EPC2: variants seen among roughly 807,000 people sequenced by gnomAD.
EPC2 encodes enhancer of polycomb 2, also known as enhancer of polycomb homolog 2.
A neutral mutation model predicts 92.1 loss-of-function variants in EPC2; 14 were observed. That is an observed-to-expected ratio of 0.15 (90% CI 0.10 to 0.24). The LOEUF is 0.24. EPC2 is among the 10% of genes least tolerant of loss of function. The pLI, the probability that EPC2 is intolerant of heterozygous loss-of-function variation, is 1.00. For missense variants in EPC2, 755 were observed against 971.5 expected (o/e 0.78, Z 2.96); for synonymous variants, 340 against 334.7 (o/e 1.02, Z -0.17).
intron 2 of EPC2, among the ~76,000 whole-genome samples, chr2:148,707,748 A>G (rs1421978130): frequency 6.6e-6 from 1 of 152,192 alleles, no homozygotes; most frequent in Admixed American, 6.5e-5. Context: ...CTGAATGACT[A>G]CTGGGTACAT....
intron 1 of EPC2, among the ~76,000 whole-genome samples, chr2:148,653,450 A>G (rs901710087): frequency 2.0e-5 from 3 of 152,236 alleles, no homozygotes; most frequent in Non-Finnish European, 4.4e-5. Flanking sequence ...TGCCTTGTCT[A>G]TACTATTTAA....
At chr2:148,700,504 G>A (rs1188188531) in intron 2 of EPC2, among the ~76,000 whole-genome samples, 1 of 82,330 alleles carries the variant, frequency 1.2e-5, no homozygotes, top group Non-Finnish European at 2.2e-5. Flanking sequence ...GCCCCGCATT[G>A]AATTGCCTTT....
chr2:148,683,158 CTGAGATTTT>C (rs1681442869), intron 1 of EPC2, among the ~76,000 whole-genome samples: 1 of 151,210 alleles, frequency 6.6e-6, no homozygotes, highest in Admixed American at 6.6e-5. Flanking sequence ...GTAGTGATTT[CTGAGATTTT>C]GGTGCACCCA....
intron 3 of EPC2, among the ~76,000 whole-genome samples, chr2:148,749,932 ACT>A (rs1325504842): frequency 1.3e-5 from 2 of 152,082 alleles, no homozygotes; most frequent in African/African-American, 4.8e-5. Flanking sequence ...ATTTGTTTTA[ACT>A]TTATATTATT....
chr2:148,732,173 G>C (rs1682645161), intron 2 of EPC2, among the ~76,000 whole-genome samples: 1 of 152,184 alleles, frequency 6.6e-6, no homozygotes, highest in Non-Finnish European at 1.5e-5. Context: ...AAGGGGCAAA[G>C]AGTTCTTTCA....
intron 2 of EPC2, among the ~76,000 whole-genome samples, chr2:148,741,998 C>T (rs927916993): frequency 9.2e-5 from 14 of 152,124 alleles, no homozygotes; most frequent in Admixed American, 2.0e-4. Flanking sequence ...ACTATTCCTC[C>T]CCTTAGCTTT....
At chr2:148,672,869 T>C (rs1429531730) in intron 1 of EPC2, among the ~76,000 whole-genome samples, 1 of 152,162 alleles carries the variant, frequency 6.6e-6, no homozygotes, top group Non-Finnish European at 1.5e-5. Context: ...GCAATTTTTA[T>C]AGGAAGGGTC....
intron 2 of EPC2, among the ~76,000 whole-genome samples, chr2:148,699,592 C>G (rs1490762231): frequency 6.6e-6 from 1 of 152,110 alleles, no homozygotes; most frequent in African/African-American, 2.4e-5. Flanking sequence ...TTCTTTTTAT[C>G]ATTGAATAAT....
At chr2:148,652,745 C>T (rs1680713791) in intron 1 of EPC2, among the ~76,000 whole-genome samples, 1 of 152,144 alleles carries the variant, frequency 6.6e-6, no homozygotes, top group Admixed American at 6.5e-5. Context: ...TGCTGAGATC[C>T]TGTCAATTTG....
intron 1 of EPC2, among the ~76,000 whole-genome samples, chr2:148,646,352 T>C (rs867182075): frequency 6.6e-6 from 1 of 152,222 alleles, no homozygotes; most frequent in Non-Finnish European, 1.5e-5. Flanking sequence ...TTTGCTCTTA[T>C]TTAATCACAT....
At chr2:148,738,567 A>G (rs893330820) in intron 2 of EPC2, among the ~76,000 whole-genome samples, 2 of 152,190 alleles carry the variant, frequency 1.3e-5, no homozygotes, top group African/African-American at 4.8e-5. Context: ...GTTGCATCCT[A>G]GTTGTGTAAA....
At chr2:148,685,656 G>C (rs928606071) in intron 1 of EPC2, among the ~76,000 whole-genome samples, 3 of 152,232 alleles carry the variant, frequency 2.0e-5, no homozygotes, top group African/African-American at 7.2e-5. Context: ...AGCTACTCAG[G>C]AGGCTAAGGC....
intron 1 of EPC2, among the ~76,000 whole-genome samples, chr2:148,662,700 G>T (rs1680963626): frequency 6.6e-6 from 1 of 152,060 alleles, no homozygotes. Context: ...ATAGCATTAG[G>T]AGATATACCT....
intron 6 of EPC2, 58 bp from the exon 7 acceptor site, chr2:148,764,897 T>C: frequency 7.9e-7 from 1 of 1,269,476 alleles, no homozygotes; most frequent in African/African-American, 1.5e-5. Context: ...TAGTTTTTCA[T>C]GATTTCTAAA....
At chr2:148,740,492 A>C (rs1682861307) in intron 2 of EPC2, among the ~76,000 whole-genome samples, 1 of 152,154 alleles carries the variant, frequency 6.6e-6, no homozygotes, top group South Asian at 2.1e-4. Flanking sequence ...CCTGGTTCTG[A>C]TTTAACACAT....
Position 148,786,535 on chromosome 2 carries a change from T to C in EPC2, c.*158T>C, listed in dbSNP as rs1683872142. ...AAATCCATATATGATGTATATTTTG[T>C]AAAATTGGGAAAATCACTACCTTGT... On this transcript the variant is annotated 3_prime_UTR_variant, in exon 14 of 14. Transcript: ENST00000258484. The C allele has an allele frequency of 2.1e-6, 1 of 485,590 alleles. No individual in the cohort carries two copies. Among genetic ancestry groups the C allele is most frequent in the African/African-American group, 2.0e-5 (1 of 50,230 alleles). The allele number at this position is 485,590 out of a possible 1,614,324, so 30.1% of individuals were successfully genotyped here. A position where few individuals can be genotyped will look rare whatever the true frequency, so the allele number is the denominator to read the frequency against.
chr2:148,762,172 G>A (rs1683313154), intron 5 of EPC2: 1 of 244,392 alleles, frequency 4.1e-6, no homozygotes, highest in Non-Finnish European at 7.7e-6. Context: ...TTTTGTTTTG[G>A]CAGAATCATT....
intron 10 of EPC2, among the ~76,000 whole-genome samples, chr2:148,774,425 G>A (rs749234275): frequency 1.3e-5 from 2 of 151,590 alleles, no homozygotes; most frequent in South Asian, 4.2e-4. Context: ...CCAGGAGTTC[G>A]AGACCAGCCT....
At chr2:148,745,418 GC>G (rs1682968493) in intron 3 of EPC2, among the ~76,000 whole-genome samples, 3 of 152,224 alleles carry the variant, frequency 2.0e-5, no homozygotes, top group Non-Finnish European at 4.4e-5. Context: ...GCAGGTGATA[GC>G]AGTGAGTAAG....
Sources: gnomAD v4.1 joint callset for allele counts (sites outside exome capture counted in the v4.1 genomes callset) on GRCh38, gnomAD v4.1.1 for gene constraint, MANE v1.5 for transcripts, NCBI Gene and HGNC (gene_info 2026-07-23, HGNC 2026-07-21) for gene names.